Variants in BMPR2 observed in about 807,000 individuals in gnomAD.
BMPR2 encodes the protein bone morphogenetic protein receptor type-2.
Under a neutral mutation model 100.8 loss-of-function variants are expected in BMPR2, and 29 were observed. That is an observed-to-expected ratio of 0.29 (90% CI 0.21 to 0.39). The LOEUF is 0.39. Among genes scored for constraint, BMPR2 ranks in the 10% least tolerant of loss-of-function variants. The probability of loss-of-function intolerance (pLI) is 1.00; values close to 1 mark genes in which losing one functional copy is unlikely to be tolerated. For synonymous variants in BMPR2, 382 were observed against 442.3 expected, an observed-to-expected ratio of 0.86 and a Z score of 1.71; for missense variants, 1,011 against 1,274.5, an observed-to-expected ratio of 0.79 and a Z score of 3.15.
At position 202,530,786 on chromosome 2, in the gene BMPR2, CCAAA is replaced by C; in HGVS notation, c.968-5_968-2del. The C allele has an allele frequency of 6.2e-7, 1 of 1,603,044 alleles. No homozygotes were observed. Among genetic ancestry groups the C allele is most frequent in the Non-Finnish European group, 8.5e-7 (1 of 1,171,284 alleles). On this transcript the variant is annotated splice_region_variant and splice_polypyrimidine_tract_variant and intron_variant, in intron 7 of 12. Coordinates refer to ENST00000374580, the MANE Select transcript of BMPR2 (RefSeq NM_001204.7). ...TTCATTGATAAATATTTGAAATTAT[CCAAA>C]CAGATCATTATAAACCTGCAATTTC... is the stretch of plus-strand genomic sequence containing the variant.
chr2:202,464,179 AAAG>A (rs1692274621), intron 1 of BMPR2, among the ~76,000 whole-genome samples: 1 of 151,582 alleles, frequency 6.6e-6, no homozygotes, highest in Non-Finnish European at 1.5e-5. Flanking sequence ...AAAAAAAAAA[AAAG>A]AATTTTTTTT....
chr2:202,512,187 A>G (rs761654014), intron 3 of BMPR2, among the ~76,000 whole-genome samples: 10 of 152,188 alleles, frequency 6.6e-5, no homozygotes, highest in Non-Finnish European at 1.0e-4. Context: ...TAAAACAGGA[A>G]TGCCCATTAG....
At chr2:202,427,815 A>C (rs1214178325) in intron 1 of BMPR2, among the ~76,000 whole-genome samples, 1 of 151,914 alleles carries the variant, frequency 6.6e-6, no homozygotes, top group Non-Finnish European at 1.5e-5. Context: ...CCATCTCTAC[A>C]AAAAACACAA....
chr2:202,495,917 G>T lies in BMPR2; in HGVS notation c.419-17802G>T, dbSNP rs1328978765. ...ACTGTATGAGAAGACTCATTATACA[G>T]AGTTTTGGAAGTAGGAGGACCTTAA... is the stretch of plus-strand genomic sequence containing the variant. On this transcript the variant is annotated intron_variant, in intron 3 of 12. Transcript: ENST00000374580. The surrounding 1 kb of genome is among the most constrained non-coding windows in gnomAD (Gnocchi z 4.5). 6.6e-6 allele frequency among the ~76,000 whole-genome samples: 1 copy of T among 152,192 alleles called. No homozygotes were observed. Among genetic ancestry groups the T allele is most frequent in the Non-Finnish European group, 1.5e-5 (1 of 68,030 alleles).
chr2:202,542,512 AC>A, intron 10 of BMPR2, 65 bp downstream of exon 10: 6 of 1,562,330 alleles, frequency 3.8e-6, no homozygotes, highest in Non-Finnish European at 4.4e-6. Flanking sequence ...GTTGTTTGAA[AC>A]AAAAATAGAC....
chr2:202,467,711 T>G, intron 3 of BMPR2, 22 bp downstream of exon 3: 1 of 1,589,778 alleles, frequency 6.3e-7, no homozygotes, highest in East Asian at 2.2e-5. Flanking sequence ...AACCAACTTT[T>G]CTTTGTATTT....
intron 7 of BMPR2, among the ~76,000 whole-genome samples, chr2:202,529,436 A>G (rs185798781): frequency 6.6e-6 from 1 of 152,210 alleles, no homozygotes; most frequent in Admixed American, 6.5e-5. Flanking sequence ...AGTTCTGCCC[A>G]TTGATTTGGT....
chr2:202,490,925 GTTTTGTT>G (rs779537600), intron 3 of BMPR2, among the ~76,000 whole-genome samples: 19 of 151,798 alleles, frequency 1.3e-4, no homozygotes, highest in African/African-American at 2.4e-4. Flanking sequence ...TTTGTTTTTT[GTTTTGTT>G]TTTTGTTTTT....
At chr2:202,454,163 G>A (rs541110302) in intron 1 of BMPR2, among the ~76,000 whole-genome samples, 11 of 152,126 alleles carry the variant, frequency 7.2e-5, no homozygotes, top group South Asian at 4.2e-4. Context: ...ACCACCTCCC[G>A]GGCTCAAGTG....
chr2:202,490,918 G>GT (rs1692887869), intron 3 of BMPR2, among the ~76,000 whole-genome samples: 3 of 151,728 alleles, frequency 2.0e-5, no homozygotes, highest in South Asian at 4.2e-4. Flanking sequence ...TTTTGTTTTT[G>GT]TTTTTTGTTT....
intron 2 of BMPR2, among the ~76,000 whole-genome samples, chr2:202,466,654 C>T (rs999072546): frequency 3.3e-5 from 5 of 149,978 alleles, no homozygotes; most frequent in Non-Finnish European, 5.9e-5. Context: ...CTCTGTCGCT[C>T]AGGATAGAGT....
intron 3 of BMPR2, among the ~76,000 whole-genome samples, chr2:202,484,968 C>CAA (rs747890922): frequency 0.14 from 8,351 of 59,486 alleles, 542 homozygotes; most frequent in Non-Finnish European, 0.19. Context: ...GACTCCGTCT[C>CAA]AAAAAAAAAA....
In BMPR2 at chr2:202,530,063, CTG is replaced by C. The variant is rs145159435; in HGVS notation, c.968-725_968-724del. Among the ~76,000 whole-genome samples, 68 of 152,232 alleles carry C rather than the reference CTG, an allele frequency of 4.5e-4. No individual in the cohort carries two copies. The East Asian group carries it at 0.012, about 27-fold the overall frequency. On this transcript the variant is annotated intron_variant, in intron 7 of 12. Coordinates refer to ENST00000374580, the MANE Select transcript of BMPR2 (RefSeq NM_001204.7). ...CATTCTTTCAGTCAGCAATCATTTACTGTGTGTCTACTCTGTGCCAAGCCTTT... is the reference window on the plus strand; with the variant it reads ...CATTCTTTCAGTCAGCAATCATTTACTGTGTCTACTCTGTGCCAAGCCTTT...
chr2:202,467,931 C>G (rs907321469), intron 3 of BMPR2, among the ~76,000 whole-genome samples: 2 of 151,806 alleles, frequency 1.3e-5, no homozygotes, highest in African/African-American at 4.8e-5. Flanking sequence ...GCCTGTAATC[C>G]CGCTACTCAG....
chr2:202,522,980 C>T lies in BMPR2; in HGVS notation c.967+2779C>T, dbSNP rs549461542. Among the ~76,000 whole-genome samples, 3 of 152,234 alleles carry T rather than the reference C, an allele frequency of 2.0e-5. No homozygotes were observed. The South Asian group carries it at 6.2e-4, about 32-fold the overall frequency. ...TGAGAGAAAATATTTGCAAACTTCA[C>T]GTCCAACAAAGGTCTAATATCCAGA... On this transcript the variant is annotated intron_variant, in intron 7 of 12. Coordinates refer to ENST00000374580, the MANE Select transcript of BMPR2 (RefSeq NM_001204.7).
At chr2:202,438,254 G>A (rs1319606632) in intron 1 of BMPR2, among the ~76,000 whole-genome samples, 4 of 150,230 alleles carry the variant, frequency 2.7e-5, no homozygotes, top group East Asian at 3.9e-4. Flanking sequence ...TGGAGGTTGC[G>A]GTGAGCCAAG....
rs914912537 is a variant in BMPR2, at chr2:202,376,506, G to A, written c.-969G>A. 8.6e-5 allele frequency among the ~76,000 whole-genome samples: 12 copies of A among 139,402 alleles called. No individual in the cohort carries two copies. The highest frequency in any genetic ancestry group is 3.2e-4 in the African/African-American group (12 of 37,842). 91.5% of individuals were successfully genotyped at this position (139,402 alleles called of 152,430 possible). A position where few individuals can be genotyped will look rare whatever the true frequency, so the allele number is the denominator to read the frequency against. ...CCGTCAGGAGCCCAGAGCTGCGGGA[G>A]AACGAGGCGGCGGCGGCGGCGGCGG... On this transcript the variant is annotated 5_prime_UTR_variant, in exon 1 of 13. Coordinates refer to ENST00000374580, the MANE Select transcript of BMPR2 (RefSeq NM_001204.7).
Position 202,532,996 on chromosome 2 carries a change from G to A in BMPR2, c.1276+264G>A, listed in dbSNP as rs558298427. Among the ~76,000 whole-genome samples, 1 of 152,128 alleles carries A rather than the reference G, an allele frequency of 6.6e-6. No homozygotes were observed. Among genetic ancestry groups the A allele is most frequent in the South Asian group, 2.1e-4 (1 of 4,824 alleles). On this transcript the variant is annotated intron_variant, in intron 9 of 12. Coordinates refer to ENST00000374580, the MANE Select transcript of BMPR2 (RefSeq NM_001204.7). The surrounding 1 kb of genome is among the most constrained non-coding windows in gnomAD (Gnocchi z 4.1). Reference sequence around the variant, plus strand: ...AGCTTATCTAACTGTATTTTGTTTGGTCTCTGATTGCTTTAGCAGTAAACA... The same window carrying A: ...AGCTTATCTAACTGTATTTTGTTTGATCTCTGATTGCTTTAGCAGTAAACA...
intron 3 of BMPR2, among the ~76,000 whole-genome samples, chr2:202,510,966 A>G (rs899438009): frequency 6.8e-6 from 1 of 147,580 alleles, no homozygotes; most frequent in African/African-American, 2.5e-5. Context: ...GGAGTGAGCC[A>G]CCGCACCTGG....
Sources: gnomAD v4.1 joint callset for allele counts (sites outside exome capture counted in the v4.1 genomes callset) on GRCh38, gnomAD v4.1.1 for gene constraint, Gnocchi (gnomAD v3.1) non-coding constraint, MANE v1.5 for transcripts, NCBI Gene and HGNC (gene_info 2026-07-23, HGNC 2026-07-21) for gene names.